The following ATIC variants were observed in gnomAD, a reference collection of about 807,000 sequenced individuals.
ATIC encodes bifunctional purine biosynthesis protein ATIC.
ATIC carries 64 observed loss-of-function variants against 72.5 expected under a neutral mutation model. The observed-to-expected ratio is 0.88, with a 90% CI of 0.72 to 1.09. The LOEUF (loss-of-function observed/expected upper bound fraction) is 1.09, where lower values mean the gene tolerates loss of function less well. ATIC is among the 50% of genes least tolerant of loss of function. The pLI, the probability that ATIC is intolerant of heterozygous loss-of-function variation, is 0.00. For synonymous variants in ATIC, 281 were observed against 267.1 expected, an observed-to-expected ratio of 1.05 and a Z score of -0.51; for missense variants, 787 against 732.4, an observed-to-expected ratio of 1.07 and a Z score of -0.86.
chr2:215,357,179 T>G, the ATIC span, among the ~76,000 whole-genome samples: 2 of 152,330 alleles, frequency 1.3e-5, no homozygotes, highest in African/African-American at 4.8e-5. Flanking sequence ...TTGTAAAGTC[T>G]TGTCCAGCAG....
At chr2:215,365,966 ATTTTTTTT>A in the ATIC span, among the ~76,000 whole-genome samples, 344 of 90,342 alleles carry the variant, frequency 3.8e-3, 4 homozygotes, top group African/African-American at 0.015. Context: ...CCACAGTGCT[ATTTTTTTT>A]TTTTTTTTTT....
intron 2 of ATIC, 103 bp downstream of exon 2, chr2:215,312,727 T>C: frequency 6.5e-7 from 1 of 1,531,252 alleles, no homozygotes; most frequent in Admixed American, 1.8e-5. Flanking sequence ...CTCCTCCCAG[T>C]AGCGCTGTGA....
chr2:215,337,692 T>TTG (rs1559276529), intron 11 of ATIC, among the ~76,000 whole-genome samples: 24 of 151,994 alleles, frequency 1.6e-4, no homozygotes, highest in East Asian at 7.7e-4. Flanking sequence ...AAGTTTTTTT[T>TTG]TTGTTGTTGT....
rs554248064 is a variant in ATIC, at chr2:215,331,642, A to G, written c.689-740A>G. On this transcript the variant is annotated intron_variant, in intron 7 of 15. Transcript: ENST00000236959. ...TGTGATCCACCCACCTCGGCCTCCCAAAGTGCTGGGGTCATGGGGGTGAGC... is the reference window on the plus strand; with the variant it reads ...TGTGATCCACCCACCTCGGCCTCCCGAAGTGCTGGGGTCATGGGGGTGAGC... 2.6e-5 allele frequency among the ~76,000 whole-genome samples: 4 copies of G among 152,226 alleles called. No homozygotes were observed. In the South Asian group the frequency reaches 8.3e-4, roughly 32 times the overall value.
rs1308839484 is a variant in ATIC, at chr2:215,331,661, GGTGAGCCATT to G, written c.689-718_689-709del. ...CCTCCCAAAGTGCTGGGGTCATGGG[GGTGAGCCATT>G]GTACCCGGCTCATTTTTGTTTTTAA... On this transcript the variant is annotated intron_variant, in intron 7 of 15. Transcript: ENST00000236959. 2.6e-5 allele frequency among the ~76,000 whole-genome samples: 4 copies of G among 152,056 alleles called. No individual in the cohort carries two copies. The South Asian group carries it at 8.3e-4, about 31-fold the overall frequency.
chr2:215,362,057 C>A, the ATIC span: 1 of 1,613,842 alleles, frequency 6.2e-7, no homozygotes, highest in South Asian at 1.1e-5. Flanking sequence ...CCCAGGTCTG[C>A]GGCAGTTGTC....
chr2:215,364,782 A>G, the ATIC span: 4 of 799,406 alleles, frequency 5.0e-6, no homozygotes, highest in Non-Finnish European at 8.5e-6. Context: ...AATACTTCCG[A>G]AGGGTCTCTG....
downstream of ATIC, among the ~76,000 whole-genome samples, chr2:215,351,267 G>C (rs961338029): frequency 6.6e-6 from 1 of 152,190 alleles, no homozygotes; most frequent in Non-Finnish European, 1.5e-5. Context: ...CCTCTTCAGA[G>C]ACCTGAGCCA....
At chr2:215,356,145 A>G in the ATIC span, among the ~76,000 whole-genome samples, 1 of 152,244 alleles carries the variant, frequency 6.6e-6, no homozygotes, top group Admixed American at 6.5e-5. Context: ...TGAAGAGCAA[A>G]TGAGACAAAA....
chr2:215,339,977 T>C (rs2053001598), intron 12 of ATIC, among the ~76,000 whole-genome samples: 1 of 150,288 alleles, frequency 6.7e-6, no homozygotes, highest in African/African-American at 2.5e-5. Flanking sequence ...TTTTTATCCC[T>C]TTGAAGCTCG....
At chr2:215,344,259 A>G (rs2053049239) in intron 12 of ATIC, among the ~76,000 whole-genome samples, 1 of 152,240 alleles carries the variant, frequency 6.6e-6, no homozygotes, top group Admixed American at 6.5e-5. Flanking sequence ...CTATGGATGC[A>G]TTGTGCTAAG....
At chr2:215,359,042 C>T in the ATIC span, among the ~76,000 whole-genome samples, 1 of 152,132 alleles carries the variant, frequency 6.6e-6, no homozygotes, top group Non-Finnish European at 1.5e-5. Flanking sequence ...GCCACCATGC[C>T]TGGCTAATTG....
At chr2:215,316,215 G>A (rs1435755820) in intron 2 of ATIC, among the ~76,000 whole-genome samples, 1 of 151,990 alleles carries the variant, frequency 6.6e-6, no homozygotes, top group Non-Finnish European at 1.5e-5. Context: ...AAATAAATCC[G>A]CCTTCTCTAA....
intron 12 of ATIC, among the ~76,000 whole-genome samples, chr2:215,342,503 A>G (rs568016637): frequency 6.6e-6 from 1 of 152,312 alleles, no homozygotes; most frequent in African/African-American, 2.4e-5. Context: ...ATAACAGTTG[A>G]AGACACAGGG....
intron 14 of ATIC, chr2:215,348,777 A>G (rs2053098506): frequency 3.2e-6 from 1 of 317,062 alleles, no homozygotes; most frequent in African/African-American, 2.3e-5. Context: ...CCTGGCCAAC[A>G]TGGTGAAACT....
intron 12 of ATIC, among the ~76,000 whole-genome samples, chr2:215,342,779 A>C (rs1395797355): frequency 1.3e-5 from 2 of 152,184 alleles, no homozygotes; most frequent in African/African-American, 4.8e-5. Flanking sequence ...TCCCGGGTTC[A>C]AGCGATTCTC....
the ATIC span, chr2:215,365,488 G>T: frequency 1.9e-6 from 3 of 1,613,152 alleles, no homozygotes; most frequent in East Asian, 2.2e-5. Flanking sequence ...CACTAAAAAT[G>T]ATCTGTGATG....
At chr2:215,314,147 A>G (rs1018714680) in intron 2 of ATIC, among the ~76,000 whole-genome samples, 1 of 152,142 alleles carries the variant, frequency 6.6e-6, no homozygotes, top group Non-Finnish European at 1.5e-5. Context: ...CTCCTCACTT[A>G]TCTTCATTAT....
intron 14 of ATIC, chr2:215,347,772 G>A (rs2053087520): frequency 2.4e-6 from 1 of 423,902 alleles, no homozygotes. Context: ...AAGAGTCCTG[G>A]AAGTGAACAA....
Sources: allele counts gnomAD v4.1 joint callset (sites outside exome capture counted in the v4.1 genomes callset), GRCh38; gene constraint gnomAD v4.1.1; transcripts MANE v1.5; gene names NCBI Gene and HGNC (gene_info 2026-07-23, HGNC 2026-07-21).